The following GPR158 variants were observed in gnomAD, a reference collection of about 807,000 sequenced individuals.
GPR158 encodes the protein G protein-coupled receptor 158.
A neutral mutation model predicts 78.2 loss-of-function variants in GPR158; 30 were observed. The observed-to-expected ratio is 0.38, with a 90% CI of 0.29 to 0.52. The LOEUF is 0.52. Among genes scored for constraint, GPR158 ranks in the 20% least tolerant of loss-of-function variants. GPR158 has a pLI of 0.83. For synonymous variants in GPR158, 581 were observed against 591.1 expected (o/e 0.98, Z 0.25); for missense variants, 1,463 against 1,523.5 (o/e 0.96, Z 0.66).
chr10:25,217,859 A>T (rs1429599160), intron 1 of GPR158, among the ~76,000 whole-genome samples: 1 of 151,762 alleles, frequency 6.6e-6, no homozygotes, highest in Non-Finnish European at 1.5e-5. Flanking sequence ...TATATTTTCC[A>T]TTCTCTGGAG....
At chr10:25,326,843 T>C (rs1278533421) in intron 2 of GPR158, among the ~76,000 whole-genome samples, 2 of 152,222 alleles carry the variant, frequency 1.3e-5, no homozygotes, top group Non-Finnish European at 2.9e-5. Flanking sequence ...CATCACATTG[T>C]GCACTGTAAA....
intron 5 of GPR158, among the ~76,000 whole-genome samples, chr10:25,468,178 G>C (rs1242852975): frequency 6.6e-6 from 1 of 152,118 alleles, no homozygotes; most frequent in Non-Finnish European, 1.5e-5. Flanking sequence ...ATCTTAAGGA[G>C]TGTTTGGGGG....
chr10:25,236,602 A>G (rs1000199209), intron 2 of GPR158, among the ~76,000 whole-genome samples: 4 of 152,146 alleles, frequency 2.6e-5, no homozygotes, highest in East Asian at 3.9e-4. Context: ...TCATGTCTCC[A>G]TGGTTTTCTT....
At chr10:25,348,607 A>G (rs548422589) in intron 2 of GPR158, among the ~76,000 whole-genome samples, 12 of 152,102 alleles carry the variant, frequency 7.9e-5, no homozygotes, top group Non-Finnish European at 1.3e-4. Context: ...ACATCAGGAA[A>G]TAGAAACTGA....
intron 2 of GPR158, among the ~76,000 whole-genome samples, chr10:25,312,165 G>A (rs562340813): frequency 1.4e-4 from 21 of 151,826 alleles, no homozygotes; most frequent in African/African-American, 4.1e-4. Flanking sequence ...TGTTATTTCC[G>A]ATCTGAAACC....
intron 2 of GPR158, among the ~76,000 whole-genome samples, chr10:25,265,557 GTAC>G (rs1204468181): frequency 6.6e-6 from 1 of 152,094 alleles, no homozygotes; most frequent in Non-Finnish European, 1.5e-5. Context: ...ACTAGTTAAG[GTAC>G]TTCTACTCTT....
Position 25,217,291 on chromosome 10 carries a change from G to T in GPR158, c.903-3761G>T, listed in dbSNP as rs1853230494. On this transcript the variant is annotated intron_variant, in intron 1 of 10. Coordinates refer to ENST00000376351, the MANE Select transcript of GPR158 (RefSeq NM_020752.3). Reference sequence around the variant, plus strand: ...TTTTAGTCTGGGTTAAGCAATATATGTTAAAGTTGTCTGTGGTCACTTCTG... The same window carrying T: ...TTTTAGTCTGGGTTAAGCAATATATTTTAAAGTTGTCTGTGGTCACTTCTG... Among the ~76,000 whole-genome samples, 4 of 152,148 alleles carry T rather than the reference G, an allele frequency of 2.6e-5. No homozygotes were observed. The South Asian group carries it at 8.3e-4, about 32-fold the overall frequency.
intron 5 of GPR158, among the ~76,000 whole-genome samples, chr10:25,508,651 C>T (rs1055581750): frequency 3.3e-5 from 5 of 152,030 alleles, no homozygotes; most frequent in East Asian, 3.9e-4. Flanking sequence ...GACCACAAGT[C>T]GGGGGTAGGG....
At chr10:25,484,823 G>T (rs536987244) in intron 5 of GPR158, among the ~76,000 whole-genome samples, 2 of 152,168 alleles carry the variant, frequency 1.3e-5, no homozygotes, top group East Asian at 3.9e-4. Context: ...TCCCATGCAG[G>T]TCCAGGACAC....
At chr10:25,552,386 G>T (rs7899012) in intron 6 of GPR158, among the ~76,000 whole-genome samples, 41,083 of 152,046 alleles carry the variant, frequency 0.27, 11,009 homozygotes, top group African/African-American at 0.67. Flanking sequence ...CCAAAGAAAA[G>T]GAGAAATCAA....
At chr10:25,400,837 C>T (rs1834433972) in intron 3 of GPR158, among the ~76,000 whole-genome samples, 1 of 152,154 alleles carries the variant, frequency 6.6e-6, no homozygotes, top group South Asian at 2.1e-4. Flanking sequence ...TCCAAATTTA[C>T]AAGTGACCCA....
intron 1 of GPR158, among the ~76,000 whole-genome samples, chr10:25,216,361 T>A (rs186986370): frequency 5.3e-5 from 8 of 152,246 alleles, no homozygotes; most frequent in Admixed American, 3.3e-4. Flanking sequence ...CAAGGTAACA[T>A]GAGGAGGGAG....
At chr10:25,467,045 G>C (rs927616702) in intron 5 of GPR158, among the ~76,000 whole-genome samples, 14 of 152,144 alleles carry the variant, frequency 9.2e-5, no homozygotes, top group Non-Finnish European at 1.5e-5. Flanking sequence ...AGGGTGGTTG[G>C]GGTGCAGCGT....
intron 2 of GPR158, among the ~76,000 whole-genome samples, chr10:25,293,946 C>T (rs926382224): frequency 2.0e-5 from 3 of 152,068 alleles, no homozygotes; most frequent in Non-Finnish European, 4.4e-5. Context: ...AGGGTTTCAC[C>T]ATGTTGGCCA....
At chr10:25,553,797 C>A (rs1836754800) in intron 6 of GPR158, among the ~76,000 whole-genome samples, 1 of 152,142 alleles carries the variant, frequency 6.6e-6, no homozygotes, top group Admixed American at 6.5e-5. Context: ...TAAATCCTGA[C>A]AAATCCAAAT....
chr10:25,378,632 A>G (rs897091464), intron 2 of GPR158, among the ~76,000 whole-genome samples: 40 of 151,630 alleles, frequency 2.6e-4, no homozygotes, highest in Non-Finnish European at 1.3e-4. Context: ...TATATTGCTT[A>G]TATTAATATT....
chr10:25,596,615 T>C (rs1837411319), intron 9 of GPR158, 28 bp from the exon 10 acceptor site: 2 of 1,587,334 alleles, frequency 1.3e-6, no homozygotes, highest in Non-Finnish European at 1.7e-6. Context: ...TGAGCTAATG[T>C]CTACTGCTCA....
chr10:25,599,303 G>A lies in GPR158; in HGVS notation c.*29G>A, dbSNP rs1304754825. On this transcript the variant is annotated 3_prime_UTR_variant, in exon 11 of 11. Coordinates refer to ENST00000376351, the MANE Select transcript of GPR158 (RefSeq NM_020752.3). ...CTCCAGGAAGAAGAGGAAAAGGAGG[G>A]AACCCCGGATTGGATATGAGACAGA... 1 of 1,506,322 alleles carries A rather than the reference G, an allele frequency of 6.6e-7. No homozygotes were observed. 93.3% of individuals were successfully genotyped at this position (1,506,322 alleles called of 1,614,324 possible).
chr10:25,303,181 A>T (rs771475748), intron 2 of GPR158, among the ~76,000 whole-genome samples: 7 of 152,248 alleles, frequency 4.6e-5, no homozygotes, highest in Non-Finnish European at 8.8e-5. Flanking sequence ...AGTAACTGCT[A>T]GCCACGTGTA....
Sources: allele counts gnomAD v4.1 joint callset (sites outside exome capture counted in the v4.1 genomes callset), GRCh38; gene constraint gnomAD v4.1.1; transcripts MANE v1.5; gene names NCBI Gene and HGNC (gene_info 2026-07-23, HGNC 2026-07-21).